The following MTRR variants were observed in gnomAD, a reference collection of about 807,000 sequenced individuals.
MTRR encodes the protein methionine synthase reductase.
A neutral mutation model predicts 79.2 loss-of-function variants in MTRR; 63 were observed. That is an observed-to-expected ratio of 0.80 (90% CI 0.65 to 0.98). MTRR has a LOEUF of 0.98. Among genes scored for constraint, MTRR ranks in the 50% least tolerant of loss-of-function variants. The probability of loss-of-function intolerance (pLI) is 0.00; values close to 1 mark genes in which losing one functional copy is unlikely to be tolerated. For missense variants in MTRR, 895 were observed against 839.6 expected, an observed-to-expected ratio of 1.07 and a Z score of -0.82; for synonymous variants, 355 against 313.3, an observed-to-expected ratio of 1.13 and a Z score of -1.41.
chr5:7,893,046 C>T, intron 11 of MTRR, 133 bp downstream of exon 11: 1 of 1,086,310 alleles, frequency 9.2e-7, no homozygotes, highest in Non-Finnish European at 1.3e-6. Context: ...ATTTTAAAAT[C>T]TCTATTGCAA....
At position 7,853,332 on chromosome 5, in the gene MTRR, G is replaced by A. The variant is rs575403598; in HGVS notation, n.391+1747G>A. On this transcript the variant is annotated intron_variant and non_coding_transcript_variant, in intron 1 of 3. Transcript: ENST00000502509. ...CCTTGCTTCCCCTTTGCTTTCTGCC[G>A]TGATTGTAAGTTTCCTGAGGCCACC... Among the ~76,000 whole-genome samples, 5 of 152,098 alleles carry A rather than the reference G, an allele frequency of 3.3e-5. No individual in the cohort carries two copies. In the South Asian group the frequency reaches 6.2e-4, roughly 19 times the overall value.
chr5:7,888,922 TCAAC>T (rs1737071715), intron 8 of MTRR, among the ~76,000 whole-genome samples, 169 bp from the exon 9 acceptor site: 1 of 152,202 alleles, frequency 6.6e-6, no homozygotes, highest in Non-Finnish European at 1.5e-5. Flanking sequence ...TTCTAACAGG[TCAAC>T]ATTAAAGCAA....
chr5:7,869,206 C>G lies in MTRR; in HGVS notation c.-35C>G, dbSNP rs533153013. Reference sequence around the variant, plus strand: ...GTTGTGCAGGTTCGTGCCCGGCTGGCGCGGCGTGGGTAAGCTGCCTGTCGG... The same window carrying G: ...GTTGTGCAGGTTCGTGCCCGGCTGGGGCGGCGTGGGTAAGCTGCCTGTCGG... On this transcript the variant is annotated 5_prime_UTR_variant, in exon 1 of 15. Coordinates refer to ENST00000440940, the MANE Select transcript of MTRR (RefSeq NM_002454.3). 15 of 1,608,084 alleles carry G rather than the reference C, an allele frequency of 9.3e-6. No individual in the cohort carries two copies. In the East Asian group the frequency reaches 1.8e-4, roughly 19 times the overall value.
Position 7,862,433 on chromosome 5 carries a change from C to G in MTRR, n.498+376C>G, listed in dbSNP as rs1269931937. On this transcript the variant is annotated intron_variant and non_coding_transcript_variant, in intron 2 of 3. Coordinates refer to the MTRR transcript ENST00000502509. ...ATTTAAATTTAAATAGCCACATGGT[C>G]TAGTGGCTACTATATTTGGACAGTA... Among the ~76,000 whole-genome samples, 3 of 152,088 alleles carry G rather than the reference C, an allele frequency of 2.0e-5. No homozygotes were observed. The East Asian group carries it at 5.8e-4, about 29-fold the overall frequency.
Position 7,875,240 on chromosome 5 carries a change from T to C in MTRR, c.284-18T>C. 2 of 1,494,748 alleles carry C rather than the reference T, an allele frequency of 1.3e-6. No individual in the cohort carries two copies. The highest frequency in any genetic ancestry group is 1.9e-6 in the Non-Finnish European group (2 of 1,071,558). 92.6% of individuals were successfully genotyped at this position (1,494,748 alleles called of 1,614,324 possible). On this transcript the variant is annotated intron_variant, in intron 3 of 14. Transcript: ENST00000440940. Reference sequence around the variant, plus strand: ...TTTAAACTTTATTGTGCATTAATTATGTATTTGGGTTCTCTAGGTCTCGGT... The same window carrying C: ...TTTAAACTTTATTGTGCATTAATTACGTATTTGGGTTCTCTAGGTCTCGGT...
intron 1 of MTRR, 32 bp from the exon 2 acceptor site, chr5:7,870,737 TA>T (rs1345710187): frequency 6.2e-7 from 1 of 1,610,598 alleles, no homozygotes; most frequent in Non-Finnish European, 8.5e-7. Flanking sequence ...ACTGCTTCAT[TA>T]AAAAGAGGAT....
intron 2 of MTRR, among the ~76,000 whole-genome samples, chr5:7,863,667 T>C (rs1269304036): frequency 3.3e-5 from 5 of 152,200 alleles, no homozygotes; most frequent in African/African-American, 4.8e-5. Context: ...AAGAAAAGGA[T>C]AGCAATATAA....
chr5:7,871,019 C>G (rs899792324), intron 2 of MTRR, 96 bp downstream of exon 2: 2 of 1,385,268 alleles, frequency 1.4e-6, no homozygotes, highest in Non-Finnish European at 2.0e-6. Context: ...AATACCACCA[C>G]ATAGTCTTTG....
At chr5:7,857,296 A>G (rs574553426) in intron 1 of MTRR, among the ~76,000 whole-genome samples, 2 of 152,334 alleles carry the variant, frequency 1.3e-5, no homozygotes, top group Admixed American at 1.3e-4. Flanking sequence ...ACAGGTATAG[A>G]CATACCAATG....
chr5:7,898,330 C>T (rs1344298308), intron 14 of MTRR, among the ~76,000 whole-genome samples: 1 of 152,132 alleles, frequency 6.6e-6, no homozygotes. Flanking sequence ...GTTCATTGTA[C>T]AGATCACAGA....
At position 7,896,861 on chromosome 5, in the gene MTRR, TAGAG is replaced by T. The variant is rs768980918; in HGVS notation, c.1678_1681del (p.Glu560AsnfsTer42). Reference sequence around the variant, plus strand: ...CACCTAAACTTTTTTTTTTTCCACTTAGAGAGAAACTCCAAGAACAACACCCAGA... The same window carrying T: ...CACCTAAACTTTTTTTTTTTCCACTTAGAAACTCCAAGAACAACACCCAGA... On this transcript the variant is annotated splice_acceptor_variant and coding_sequence_variant, in exon 13 of 15. Transcript: ENST00000440940. LOFTEE classifies it high-confidence loss of function. 85 of 1,613,808 alleles carry T rather than the reference TAGAG, an allele frequency of 5.3e-5. No homozygotes were observed. Among genetic ancestry groups the T allele is most frequent in the Admixed American group, 8.3e-5 (5 of 60,004 alleles).
chr5:7,869,344 CG>C, intron 1 of MTRR, 129 bp downstream of exon 1: 2 of 803,034 alleles, frequency 2.5e-6, no homozygotes, highest in African/African-American at 2.3e-5. Flanking sequence ...CTTCGGCCTC[CG>C]GGGGTCGCCG....
chr5:7,858,071 C>T (rs1391006669), intron 1 of MTRR, among the ~76,000 whole-genome samples: 1 of 152,150 alleles, frequency 6.6e-6, no homozygotes, highest in Non-Finnish European at 1.5e-5. Context: ...TAACCTCACA[C>T]CACATTGCTG....
chr5:7,877,503 C>CAAAA (rs11324670), intron 4 of MTRR, among the ~76,000 whole-genome samples: 1 of 100,508 alleles, frequency 9.9e-6, no homozygotes, highest in African/African-American at 3.6e-5. Flanking sequence ...ATTGGCTAGG[C>CAAAA]AAAAAAAAAA....
chr5:7,868,831 G>A (rs533072967), upstream of MTRR: 122 of 515,608 alleles, frequency 2.4e-4, no homozygotes, highest in Non-Finnish European at 4.0e-4. Flanking sequence ...AGGAATGAAA[G>A]GGACCCGCGG....
At chr5:7,898,878 A>T (rs327593) in intron 14 of MTRR, among the ~76,000 whole-genome samples, 2 of 152,170 alleles carry the variant, frequency 1.3e-5, no homozygotes, top group African/African-American at 2.4e-5. Flanking sequence ...ACGAGGATAT[A>T]TTAGTTTTTC....
chr5:7,869,075 G>A, upstream of MTRR: 1 of 1,585,734 alleles, frequency 6.3e-7, no homozygotes, highest in Non-Finnish European at 8.7e-7. Flanking sequence ...ACTCAGGGCG[G>A]CGCAATGTGA....
intron 6 of MTRR, chr5:7,885,354 T>C (rs1236918952): frequency 2.1e-5 from 5 of 243,218 alleles, no homozygotes; most frequent in South Asian, 5.3e-5. Flanking sequence ...TGTATGTTTT[T>C]GTAAGAGGGA....
At chr5:7,877,727 T>C (rs1305681196) in intron 4 of MTRR, among the ~76,000 whole-genome samples, 3 of 152,166 alleles carry the variant, frequency 2.0e-5, no homozygotes, top group Non-Finnish European at 4.4e-5. Context: ...TCTACCTTTA[T>C]ACATACTCAT....
Sources: allele counts gnomAD v4.1 joint callset (sites outside exome capture counted in the v4.1 genomes callset), GRCh38; gene constraint gnomAD v4.1.1; transcripts MANE v1.5; gene names NCBI Gene and HGNC (gene_info 2026-07-23, HGNC 2026-07-21).